Variants in ZC3HAV1L observed in about 807,000 individuals in gnomAD.
ZC3HAV1L encodes ZC3HAV1 like, also known as zinc finger CCCH-type antiviral protein 1-like.
Under a neutral mutation model 28.2 loss-of-function variants are expected in ZC3HAV1L, and 23 were observed. The ratio of observed to expected loss-of-function variants is 0.82; its 90% confidence interval spans 0.59 to 1.16. The LOEUF is 1.16. Among genes scored for constraint, ZC3HAV1L ranks in the 50% most tolerant of loss-of-function variants. The probability of loss-of-function intolerance (pLI) is 0.00; values close to 1 mark genes in which losing one functional copy is unlikely to be tolerated. For synonymous variants in ZC3HAV1L, 180 were observed against 163.4 expected (o/e 1.10, Z -0.78); for missense variants, 376 against 387.7 (o/e 0.97, Z 0.25).
Position 139,030,828 on chromosome 7 carries a change from T to TA in ZC3HAV1L, c.502-1869dup, listed in dbSNP as rs1563114979. Among the ~76,000 whole-genome samples, 91 of 100,462 alleles carry TA rather than the reference T, an allele frequency of 9.1e-4. 1 individual carries two copies. The highest frequency in any genetic ancestry group is 3.3e-3 in the African/African-American group (90 of 27,170). The allele number at this position is 100,462 out of a possible 152,430, so 65.9% of individuals were successfully genotyped here. ...AGTGAGTCTCCATCTCAAAAAATAA[T>TA]AATAATTAATTAATTAATTAATTAA... On this transcript the variant is annotated intron_variant, in intron 2 of 4. Transcript: ENST00000275766.
At chr7:139,022,430 C>T (rs895908668), downstream of ZC3HAV1L, 6 of 424,940 alleles carry the variant, frequency 1.4e-5, no homozygotes, top group East Asian at 1.5e-4. Context: ...CCTATAGTCC[C>T]GGCTACTAGG....
Position 139,026,535 on chromosome 7 carries a change from C to T in ZC3HAV1L, c.*9G>A. The T allele has an allele frequency of 6.2e-7, 1 of 1,614,050 alleles. No individual in the cohort carries two copies. The highest frequency in any genetic ancestry group is 2.2e-5 in the East Asian group (1 of 44,888). On this transcript the variant is annotated 3_prime_UTR_variant, in exon 5 of 5. Transcript: ENST00000275766. ...TTCCAAAAGGACATTTTCTCCTTTT[C>T]CATCTTCTTTACTTCTCGCAAGACA...
At chr7:139,035,527 G>A (rs1815680748) in intron 1 of ZC3HAV1L, 126 bp downstream of exon 1, 4 of 1,315,136 alleles carry the variant, frequency 3.0e-6, no homozygotes, top group Non-Finnish European at 2.9e-6. Flanking sequence ...GCGGGAGGGG[G>A]TCGTCCAGCC....
At chr7:139,034,895 G>A in intron 1 of ZC3HAV1L, 2 of 985,442 alleles carry the variant, frequency 2.0e-6, no homozygotes, top group Non-Finnish European at 2.4e-6. Flanking sequence ...CAGTAGGGAT[G>A]CTTTGAAGCC....
At chr7:139,030,748 G>A (rs1372886620) in intron 2 of ZC3HAV1L, among the ~76,000 whole-genome samples, 1 of 112,850 alleles carries the variant, frequency 8.9e-6, no homozygotes, top group African/African-American at 3.3e-5. Flanking sequence ...TAACCTGGGT[G>A]GCAGAGGTTG....
chr7:139,022,705 G>A (rs1396729156), downstream of ZC3HAV1L, among the ~76,000 whole-genome samples: 1 of 152,204 alleles, frequency 6.6e-6, no homozygotes, highest in Non-Finnish European at 1.5e-5. Flanking sequence ...CAGAGCTAGT[G>A]AGTAAAAAAA....
downstream of ZC3HAV1L, among the ~76,000 whole-genome samples, chr7:139,025,418 G>A (rs967222687): frequency 6.0e-5 from 9 of 150,382 alleles, no homozygotes; most frequent in African/African-American, 1.5e-4. Flanking sequence ...ATTGCACTCC[G>A]GCCTGGGCAA....
chr7:139,035,163 G>A, intron 1 of ZC3HAV1L: 1 of 985,452 alleles, frequency 1.0e-6, no homozygotes, highest in Non-Finnish European at 1.2e-6. Flanking sequence ...AAGCCATCCA[G>A]CCCTGTTTCC....
At chr7:139,025,571 T>C (rs1815331726), downstream of ZC3HAV1L, 1 of 152,030 alleles carries the variant, frequency 6.6e-6, no homozygotes, top group Admixed American at 6.6e-5. Context: ...CCAAGCACAG[T>C]ATTGCTGAGG....
At chr7:139,034,073 T>C (rs984072499) in intron 2 of ZC3HAV1L, 2 of 985,366 alleles carry the variant, frequency 2.0e-6, no homozygotes, top group African/African-American at 3.5e-5. Flanking sequence ...GAGCAGCCTC[T>C]GCCACCTGCA....
rs1815686906 is a variant in ZC3HAV1L, at chr7:139,035,669, G to A, written c.349C>T (p.Pro117Ser). The A allele has an allele frequency of 6.8e-7, 1 of 1,463,050 alleles. No individual in the cohort carries two copies. Among genetic ancestry groups the A allele is most frequent in the Non-Finnish European group, 9.0e-7 (1 of 1,116,938 alleles). 90.6% of individuals were successfully genotyped at this position (1,463,050 alleles called of 1,614,324 possible). ...CCTTCTCACCAGCAGTCCCGGTTGG[G>A]GCACTTGCCCAGCATGTGCCGGCGG... ...FCRRHMLGKCPNRDCWSTCTL... is the reference protein window; with the variant it reads ...FCRRHMLGKCSNRDCWSTCTL... Residue 117 changes from proline (P) to serine (S), a missense_variant, in exon 1 of 5, where the codon CCC becomes TCC. Transcript: ENST00000275766.
chr7:139,033,399 A>T (rs1815595017), intron 2 of ZC3HAV1L, among the ~76,000 whole-genome samples: 1 of 152,066 alleles, frequency 6.6e-6, no homozygotes, highest in Admixed American at 6.5e-5. Context: ...TTACCTGTCT[A>T]TTGTCTTTTT....
chr7:139,034,760 T>G, intron 1 of ZC3HAV1L, 82 bp from the exon 2 acceptor site: 1 of 1,566,640 alleles, frequency 6.4e-7, no homozygotes, highest in South Asian at 1.2e-5. Flanking sequence ...CAGCTTTCAA[T>G]GTATTTAATA....
chr7:139,024,215 G>C (rs1451031435), downstream of ZC3HAV1L, among the ~76,000 whole-genome samples: 1 of 152,162 alleles, frequency 6.6e-6, no homozygotes, highest in African/African-American at 2.4e-5. Flanking sequence ...TCAGAGAAAG[G>C]CATGGTTATA....
chr7:139,025,780 T>TA lies in ZC3HAV1L; in HGVS notation c.*763dup, dbSNP rs906521852. ...TTAGCATCTATAAGCTAAGCAAAAG[T>TA]AAAAAATAGCTGGAAAAATTCAATA... On this transcript the variant is annotated 3_prime_UTR_variant, in exon 5 of 5. Coordinates refer to ENST00000275766, the MANE Select transcript of ZC3HAV1L (RefSeq NM_080660.4). The TA allele has an allele frequency of 6.6e-6, 1 of 152,016 alleles. No individual in the cohort carries two copies. The highest frequency in any genetic ancestry group is 2.4e-5 in the African/African-American group (1 of 41,350). 9.4% of individuals were successfully genotyped at this position (152,016 alleles called of 1,614,324 possible).
chr7:139,034,467 G>A, intron 2 of ZC3HAV1L, 76 bp downstream of exon 2: 1 of 1,569,776 alleles, frequency 6.4e-7, no homozygotes, highest in South Asian at 1.2e-5. Context: ...AAATTAATAT[G>A]TAAAGCCAAA....
intron 1 of ZC3HAV1L, 35 bp from the exon 2 acceptor site, chr7:139,034,713 T>A (rs369252190): frequency 9.0e-5 from 145 of 1,611,954 alleles, no homozygotes; most frequent in Non-Finnish European, 1.1e-4. Context: ...GATGCCCAGG[T>A]GAAGAAGGAC....
rs565172394 is a variant in ZC3HAV1L, at chr7:139,033,596, G to T, written c.501+947C>A. On this transcript the variant is annotated intron_variant, in intron 2 of 4. Coordinates refer to ENST00000275766, the MANE Select transcript of ZC3HAV1L (RefSeq NM_080660.4). ...TGGAGGCACAGGGGAGGCTCCTGTT[G>T]TAAGTGCAGCCAACCCATCAGCTGC... is the stretch of plus-strand genomic sequence containing the variant. Among the ~76,000 whole-genome samples the T allele has an allele frequency of 5.9e-5, 9 of 152,264 alleles. No homozygotes were observed. In the East Asian group the frequency reaches 9.7e-4, roughly 16 times the overall value.
chr7:139,035,422 C>T (rs1443230047), intron 1 of ZC3HAV1L: 2 of 985,316 alleles, frequency 2.0e-6, no homozygotes, highest in African/African-American at 3.5e-5. Flanking sequence ...AGCAACTTTT[C>T]TGGCGTGGGC....
Sources: allele counts gnomAD v4.1 joint callset (sites outside exome capture counted in the v4.1 genomes callset), GRCh38; gene constraint gnomAD v4.1.1; transcripts MANE v1.5; gene names NCBI Gene and HGNC (gene_info 2026-07-23, HGNC 2026-07-21).